The following CATSPERD variants were observed in gnomAD, a reference collection of about 807,000 sequenced individuals.
CATSPERD encodes catsper channel auxiliary subunit delta, also known as cation channel sperm-associated auxiliary subunit delta.
A neutral mutation model predicts 98.1 loss-of-function variants in CATSPERD; 86 were observed. The observed-to-expected ratio is 0.88, with a 90% CI of 0.74 to 1.05. The LOEUF is 1.05. Among genes scored for constraint, CATSPERD ranks in the 50% least tolerant of loss-of-function variants. CATSPERD has a pLI of 0.00. For missense variants in CATSPERD, 995 were observed against 1,005.7 expected (o/e 0.99, Z 0.14); for synonymous variants, 394 against 390.2 (o/e 1.01, Z -0.12).
At chr19:5,736,297 G>A (rs1268752718) in intron 5 of CATSPERD, among the ~76,000 whole-genome samples, 1 of 152,122 alleles carries the variant, frequency 6.6e-6, no homozygotes, top group Non-Finnish European at 1.5e-5. Flanking sequence ...AGGTGCTACT[G>A]GCATTGAGTG....
intron 21 of CATSPERD, among the ~76,000 whole-genome samples, chr19:5,777,311 C>T (rs891224031): frequency 2.0e-5 from 3 of 152,066 alleles, no homozygotes; most frequent in African/African-American, 4.8e-5. Flanking sequence ...GGATGTCCAC[C>T]AGAGAGAGGA....
intron 1 of CATSPERD, among the ~76,000 whole-genome samples, chr19:5,722,368 G>C (rs2055505722): frequency 6.6e-6 from 1 of 152,098 alleles, no homozygotes; most frequent in Non-Finnish European, 1.5e-5. Context: ...TGATTCACTT[G>C]CCTCGGCCTC....
Position 5,737,218 on chromosome 19 carries a change from G to C in CATSPERD, c.459+13G>C, listed in dbSNP as rs569572085. On this transcript the variant is annotated intron_variant, in intron 6 of 21. Coordinates refer to ENST00000381624, the MANE Select transcript of CATSPERD (RefSeq NM_152784.4). ...TTTGTTTTGTGTGGTAAGTATAAGT[G>C]TATAATTGTTCATTTTTTTTTGCTC... The C allele has an allele frequency of 4.5e-6, 7 of 1,567,966 alleles. No homozygotes were observed. The East Asian group carries it at 1.3e-4, about 30-fold the overall frequency.
At chr19:5,745,870 A>T (rs777593773) in intron 8 of CATSPERD, 43 bp from the exon 9 acceptor site, 1 of 1,607,134 alleles carries the variant, frequency 6.2e-7, no homozygotes, top group East Asian at 2.2e-5. Context: ...GGGACTCCAC[A>T]GTAGGGTTTG....
At chr19:5,739,476 A>G (rs764158966) in intron 7 of CATSPERD, 37 bp downstream of exon 7, 10 of 1,155,116 alleles carry the variant, frequency 8.7e-6, no homozygotes, top group Non-Finnish European at 1.3e-5. Context: ...AAATAAATAC[A>G]TATGTACCTT....
At chr19:5,759,612 G>A (rs993377727) in intron 15 of CATSPERD, among the ~76,000 whole-genome samples, 4 of 151,012 alleles carry the variant, frequency 2.6e-5, no homozygotes, top group Non-Finnish European at 5.9e-5. Context: ...TGTAGTGGCG[G>A]GCGCCTATAA....
rs144122925 is a variant in CATSPERD at position 5,735,940 on chromosome 19, C to T, written c.392-1198C>T. Among the ~76,000 whole-genome samples, 614 of 151,958 alleles carry T rather than the reference C, an allele frequency of 4.0e-3. 4 individuals are homozygous for T. The highest frequency in any genetic ancestry group is 0.014 in the African/African-American group (572 of 41,446). On this transcript the variant is annotated intron_variant, in intron 5 of 21. Coordinates refer to ENST00000381624, the MANE Select transcript of CATSPERD (RefSeq NM_152784.4). ...GGACTACAGGCACCTGCCACCATGC[C>T]TAGCTAATTTTTTGTATTTTTAGTA...
At position 5,722,960 on chromosome 19, in the gene CATSPERD, G is replaced by A. The variant is rs530654384; in HGVS notation, c.72-1848G>A. Among the ~76,000 whole-genome samples the A allele has an allele frequency of 3.8e-4, 58 of 151,926 alleles. No individual in the cohort carries two copies. In the South Asian group the frequency reaches 0.012, roughly 31 times the overall value. ...TCCCAGCACTTTGGGAGGTGGAGGC[G>A]GGCGGATCACGAGGTCAGGAGATCG... On this transcript the variant is annotated intron_variant, in intron 1 of 21. Transcript: ENST00000381624.
At chr19:5,746,237 T>G (rs1326086661) in intron 9 of CATSPERD, among the ~76,000 whole-genome samples, 174 bp downstream of exon 9, 1 of 152,128 alleles carries the variant, frequency 6.6e-6, no homozygotes, top group Non-Finnish European at 1.5e-5. Context: ...TCTCTCTGCA[T>G]CCTCCCTAGC....
chr19:5,773,915 T>C (rs1309153497), intron 20 of CATSPERD, among the ~76,000 whole-genome samples: 7 of 151,788 alleles, frequency 4.6e-5, no homozygotes, highest in Non-Finnish European at 5.9e-5. Flanking sequence ...AGGAATGCAG[T>C]GCATGCAGCA....
intron 12 of CATSPERD, among the ~76,000 whole-genome samples, chr19:5,752,507 A>T (rs1239966216): frequency 1.3e-5 from 2 of 152,064 alleles, no homozygotes; most frequent in Admixed American, 1.3e-4. Context: ...AGAAATTAAC[A>T]AAATAAGAGA....
At chr19:5,756,528 A>C (rs2056326882) in intron 13 of CATSPERD, among the ~76,000 whole-genome samples, 1 of 152,138 alleles carries the variant, frequency 6.6e-6, no homozygotes, top group African/African-American at 2.4e-5. Context: ...CTGAAATGTC[A>C]ACATCGTGAT....
chr19:5,770,430 CAAAA>C (rs539340482), intron 18 of CATSPERD, among the ~76,000 whole-genome samples: 1 of 81,976 alleles, frequency 1.2e-5, no homozygotes, highest in African/African-American at 4.5e-5. Context: ...AACTCCGTCT[CAAAA>C]AAAAAAAAAA....
At chr19:5,744,747 C>T (rs1234447136) in intron 8 of CATSPERD, among the ~76,000 whole-genome samples, 1 of 151,708 alleles carries the variant, frequency 6.6e-6, no homozygotes, top group Non-Finnish European at 1.5e-5. Context: ...ACTATGGGCT[C>T]GTGCCACCGC....
intron 10 of CATSPERD, 38 bp from the exon 11 acceptor site, chr19:5,749,063 A>T: frequency 6.4e-7 from 1 of 1,558,960 alleles, no homozygotes; most frequent in Non-Finnish European, 8.8e-7. Context: ...AATGACCAGC[A>T]TTTCAATTTT....
At chr19:5,746,147 A>G in intron 9 of CATSPERD, 84 bp downstream of exon 9, 1 of 1,441,066 alleles carries the variant, frequency 6.9e-7, no homozygotes, top group Non-Finnish European at 9.6e-7. Flanking sequence ...GGGGAGGGGA[A>G]GGAGCAACCC....
chr19:5,776,186 A>G lies in CATSPERD; in HGVS notation c.1967A>G (p.Asn656Ser), dbSNP rs761025290. 7 of 1,614,164 alleles carry G rather than the reference A, an allele frequency of 4.3e-6. No individual in the cohort carries two copies. Among genetic ancestry groups the G allele is most frequent in the Non-Finnish European group, 5.9e-6 (7 of 1,180,018 alleles). The change falls in exon 21 of 22, where the codon AAC becomes AGC. Residue 656 changes from asparagine (N) to serine (S), a missense_variant. Coordinates refer to ENST00000381624, the MANE Select transcript of CATSPERD (RefSeq NM_152784.4). ...RENYVSCHDP[N>S]NNAPLRWPDV... is the part of the protein sequence containing the mutation. ...AACTATGTGAGCTGCCACGACCCCA[A>G]CAACAATGCCCCTTTGAGGTGGCCA... is the stretch of plus-strand genomic sequence containing the variant.
At position 5,772,801 on chromosome 19, in the gene CATSPERD, A is replaced by T; in HGVS notation, c.1777A>T (p.Ser593Cys). 1 of 1,613,750 alleles carries T rather than the reference A, an allele frequency of 6.2e-7. No homozygotes were observed. Among genetic ancestry groups the T allele is most frequent in the Non-Finnish European group, 8.5e-7 (1 of 1,179,802 alleles). ...KPVVELWRKD[S>C]FQEVIDAEYV... ...CCTGTGTCCTAGGTGGCGAAAAGAC[A>T]GTTTCCAGGAGGTCATCGACGCCGA... The change falls in exon 20 of 22, where the codon AGT becomes TGT. Residue 593 changes from serine to cysteine, a missense_variant. This residue lies in a region of CATSPERD where 762 missense variants were observed against 773.7 expected (regional missense o/e 0.98). Coordinates refer to ENST00000381624, the MANE Select transcript of CATSPERD (RefSeq NM_152784.4).
intron 13 of CATSPERD, among the ~76,000 whole-genome samples, chr19:5,754,829 A>G (rs994163176): frequency 5.5e-5 from 8 of 144,594 alleles, no homozygotes; most frequent in Non-Finnish European, 3.0e-5. Context: ...CTGCCCATAC[A>G]TTCATTTTCT....
Sources: allele counts gnomAD v4.1 joint callset (sites outside exome capture counted in the v4.1 genomes callset), GRCh38; gene constraint gnomAD v4.1.1; regional missense constraint gnomAD v4.1.1; transcripts MANE v1.5; gene names NCBI Gene and HGNC (gene_info 2026-07-23, HGNC 2026-07-21).